Variants in DLD observed in about 807,000 individuals in gnomAD.
DLD encodes dihydrolipoamide dehydrogenase, also known as dihydrolipoyl dehydrogenase, mitochondrial.
Under a neutral mutation model 62.2 loss-of-function variants are expected in DLD, and 36 were observed. The ratio of observed to expected loss-of-function variants is 0.58; its 90% CI spans 0.44 to 0.76. The LOEUF is 0.76. DLD is among the 30% of genes least tolerant of loss of function. The pLI, the probability that DLD is intolerant of heterozygous loss-of-function variation, is 0.00. For missense variants in DLD, 541 were observed against 608.6 expected, an observed-to-expected ratio of 0.89 and a Z score of 1.17; for synonymous variants, 204 against 199.6, an observed-to-expected ratio of 1.02 and a Z score of -0.19.
Position 107,905,022 on chromosome 7 carries a change from A to G in DLD, c.402A>G (p.Leu134=). Residue 134 remains leucine (L), a synonymous_variant, in exon 6 of 14, where the codon TTA becomes TTG. Coordinates refer to ENST00000205402, the MANE Select transcript of DLD (RefSeq NM_000108.5). ...AGAAGAGTACTGCAGTAAAAGCTTT[A>G]ACAGGTGGAATTGCCCACTTATTCA... The part of the protein sequence containing the change: ...MEQKSTAVKA[L]TGGIAHLFKQ... The G allele has an allele frequency of 6.2e-7, 1 of 1,613,172 alleles. No individual in the cohort carries two copies. Among genetic ancestry groups the G allele is most frequent in the Admixed American group, 1.7e-5 (1 of 60,014 alleles).
intron 1 of DLD, 128 bp downstream of exon 1, chr7:107,891,417 C>A (rs1016701490): frequency 1.9e-6 from 2 of 1,047,682 alleles, no homozygotes; most frequent in Non-Finnish European, 2.9e-6. Flanking sequence ...ACCCCTGGCC[C>A]CGCCTCTGCA....
chr7:107,911,812 C>T (rs757513663), intron 8 of DLD, among the ~76,000 whole-genome samples: 1 of 151,748 alleles, frequency 6.6e-6, no homozygotes, highest in Non-Finnish European at 1.5e-5. Context: ...TCCATCACCT[C>T]GAACATTTTT....
At chr7:107,901,555 AT>A (rs1241076373) in intron 2 of DLD, among the ~76,000 whole-genome samples, 182 bp from the exon 3 acceptor site, 1 of 152,182 alleles carries the variant, frequency 6.6e-6, no homozygotes, top group Admixed American at 6.5e-5. Flanking sequence ...TATTTATGCC[AT>A]TTTTCAGTAG....
chr7:107,898,591 T>C (rs1005379110), intron 2 of DLD, among the ~76,000 whole-genome samples: 1 of 150,358 alleles, frequency 6.7e-6, no homozygotes, highest in Non-Finnish European at 1.5e-5. Context: ...TGTATCCTGA[T>C]TTTTTAACTT....
At chr7:107,900,961 C>T (rs1191307660) in intron 2 of DLD, among the ~76,000 whole-genome samples, 1 of 152,070 alleles carries the variant, frequency 6.6e-6, no homozygotes, top group Admixed American at 6.6e-5. Context: ...CTTACTTGCA[C>T]ATTTGTATTA....
chr7:107,900,119 T>G (rs2116198657), intron 2 of DLD, among the ~76,000 whole-genome samples: 1 of 152,276 alleles, frequency 6.6e-6, no homozygotes, highest in South Asian at 2.1e-4. Flanking sequence ...TATTTTTTCA[T>G]GTATTATCTC....
intron 8 of DLD, among the ~76,000 whole-genome samples, chr7:107,908,627 A>G (rs1431956021): frequency 4.6e-5 from 7 of 151,376 alleles, no homozygotes; most frequent in Middle Eastern, 3.4e-3. Context: ...GGGTCATGCC[A>G]GTGCACTCCA....
At chr7:107,891,152 C>A, upstream of DLD, 1 of 1,467,654 alleles carries the variant, frequency 6.8e-7, no homozygotes, top group Non-Finnish European at 9.5e-7. Flanking sequence ...ATGACGTAGG[C>A]TGCGCCTGTG....
chr7:107,906,959 G>A (rs1477132263), intron 8 of DLD, among the ~76,000 whole-genome samples: 1 of 152,142 alleles, frequency 6.6e-6, no homozygotes, highest in Admixed American at 6.5e-5. Context: ...AATAAATTCA[G>A]ATATTTTATT....
chr7:107,918,598 C>G lies in DLD; in HGVS notation c.1375-412C>G, dbSNP rs2032326921. On this transcript the variant is annotated intron_variant, in intron 12 of 13. Coordinates refer to ENST00000205402, the MANE Select transcript of DLD (RefSeq NM_000108.5). ...CTCCTAAGGGAAGCCTTTCCTACCA[C>G]TGAGCCTAAAGTATGTATCTTTCTT... Among the ~76,000 whole-genome samples the G allele has an allele frequency of 2.6e-5, 4 of 152,342 alleles. No individual in the cohort carries two copies. The South Asian group carries it at 8.3e-4, about 32-fold the overall frequency.
intron 9 of DLD, among the ~76,000 whole-genome samples, chr7:107,915,933 G>T (rs1424835327): frequency 6.6e-6 from 1 of 152,058 alleles, no homozygotes; most frequent in Non-Finnish European, 1.5e-5. Flanking sequence ...AGTACATTCA[G>T]AAAAATTTAA....
intron 8 of DLD, among the ~76,000 whole-genome samples, chr7:107,909,099 G>A (rs1476811686): frequency 6.6e-6 from 1 of 152,102 alleles, no homozygotes; most frequent in East Asian, 1.9e-4. Context: ...CAGTTTAGTT[G>A]TTTTTATAAA....
intron 2 of DLD, among the ~76,000 whole-genome samples, chr7:107,898,790 G>A (rs940754225): frequency 6.7e-6 from 1 of 150,326 alleles, no homozygotes; most frequent in African/African-American, 2.5e-5. Context: ...GACGGGGTTT[G>A]GTCTTGATCT....
chr7:107,908,339 C>T (rs1453499838), intron 8 of DLD, among the ~76,000 whole-genome samples: 7 of 151,432 alleles, frequency 4.6e-5, no homozygotes, highest in Non-Finnish European at 1.0e-4. Context: ...TTAGTAGAGA[C>T]GGGGTTTCAC....
intron 2 of DLD, 24 bp from the exon 3 acceptor site, chr7:107,901,714 T>C (rs2031880902): frequency 6.3e-7 from 1 of 1,592,358 alleles, no homozygotes; most frequent in Admixed American, 1.7e-5. Context: ...TTTACTATTT[T>C]ATATCAATTT....
In DLD at chr7:107,893,253, T is replaced by A. The variant is rs1182818821; in HGVS notation, c.93T>A (p.Pro31=). 1 of 1,613,290 alleles carries A rather than the reference T, an allele frequency of 6.2e-7. No homozygotes were observed. The highest frequency in any genetic ancestry group is 8.5e-7 in the Non-Finnish European group (1 of 1,179,648). The stretch of plus-strand genomic sequence containing the variant: ...GCCTACAGGGACTTTCTGCAGTGCC[T>A]CTGAGAACTTACGCAGATCAGCCGA... ...SHGLQGLSAV[P]LRTYADQPID... The change falls in exon 2 of 14, where the codon CCT becomes CCA. Residue 31 remains proline (P), a synonymous_variant. Transcript: ENST00000205402.
intron 8 of DLD, among the ~76,000 whole-genome samples, chr7:107,907,886 A>C (rs547028365): frequency 1.3e-5 from 2 of 152,288 alleles, no homozygotes; most frequent in East Asian, 1.9e-4. Flanking sequence ...TATTTCATCA[A>C]CTTCCACTCA....
chr7:107,896,843 T>G (rs1057307182), intron 2 of DLD, among the ~76,000 whole-genome samples: 4 of 133,850 alleles, frequency 3.0e-5, no homozygotes, highest in South Asian at 2.1e-4. Context: ...TTTTTGTTTG[T>G]TTTTTTTTTT....
In DLD at chr7:107,917,383, A is replaced by G. The variant is rs779280858; in HGVS notation, c.1157A>G (p.Tyr386Cys). 9.3e-6 allele frequency: 15 copies of G among 1,614,056 alleles called. No homozygotes were observed. The highest frequency in any genetic ancestry group is 1.1e-5 in the South Asian group (1 of 91,092). ...GMAGGAVHID[Y>C]NCVPSVIYTH... is the part of the protein sequence containing the mutation. ...GCTGGTGGTGCTGTGCACATTGACT[A>G]CAATTGTGTGCCATCAGTGATTTAC... Residue 386 changes from tyrosine (Y) to cysteine (C), a missense_variant, in exon 11 of 14, where the codon TAC becomes TGC. Tyr to Cys is a radical substitution (Grantham distance 194, BLOSUM62 -2). Transcript: ENST00000205402.
Sources: gnomAD v4.1 joint callset for allele counts (sites outside exome capture counted in the v4.1 genomes callset) on GRCh38, gnomAD v4.1.1 for gene constraint, MANE v1.5 for transcripts, NCBI Gene and HGNC (gene_info 2026-07-23, HGNC 2026-07-21) for gene names.